The following PEX19 variants were observed in gnomAD, a reference collection of about 807,000 sequenced individuals.
PEX19 encodes the protein peroxisomal biogenesis factor 19.
PEX19 carries 29 observed loss-of-function variants against 36.3 expected under a neutral mutation model. The observed-to-expected ratio is 0.80, with a 90% CI of 0.60 to 1.09. The LOEUF (loss-of-function observed/expected upper bound fraction) is 1.09, where lower values mean the gene tolerates loss of function less well. Among genes scored for constraint, PEX19 ranks in the 50% least tolerant of loss-of-function variants. The probability of loss-of-function intolerance (pLI) is 0.00; values close to 1 mark genes in which losing one functional copy is unlikely to be tolerated. For synonymous variants in PEX19, 141 were observed against 135.2 expected (o/e 1.04, Z -0.30); for missense variants, 396 against 368.1 (o/e 1.08, Z -0.62).
Position 160,278,728 on chromosome 1 carries a change from G to C in PEX19, c.*823C>G, listed in dbSNP as rs1429934866. 8 of 454,014 alleles carry C rather than the reference G, an allele frequency of 1.8e-5. No individual in the cohort carries two copies. The highest frequency in any genetic ancestry group is 1.6e-4 in the Admixed American group (7 of 42,548). The allele number at this position is 454,014 out of a possible 1,614,324, so 28.1% of individuals were successfully genotyped here. On this transcript the variant is annotated 3_prime_UTR_variant, in exon 8 of 8. Transcript: ENST00000368072. The stretch of plus-strand genomic sequence containing the variant: ...GTCAGTGAGAATCGTAAATGGACTA[G>C]ATGAGGGGAAATAGGATGGGCCCTT...
chr1:160,280,322 A>T, intron 5 of PEX19, 76 bp from the exon 6 acceptor site: 13 of 1,377,246 alleles, frequency 9.4e-6, no homozygotes, highest in African/African-American at 1.4e-5. Context: ...CAATGTGATT[A>T]AAATGTGAAA....
At chr1:160,282,236 A>G (rs1005845614) in intron 4 of PEX19, 36 bp from the exon 5 acceptor site, 2 of 1,610,500 alleles carry the variant, frequency 1.2e-6, no homozygotes, top group Non-Finnish European at 1.7e-6. Context: ...CAGGTATACT[A>G]CCTTCTTGGG....
chr1:160,283,382 A>G, intron 2 of PEX19, 148 bp downstream of exon 2: 1 of 663,188 alleles, frequency 1.5e-6, no homozygotes, highest in Non-Finnish European at 2.6e-6. Flanking sequence ...TCCTTATTTC[A>G]CAAGGACTGA....
At chr1:160,283,204 C>T in intron 2 of PEX19, 95 bp from the exon 3 acceptor site, 2 of 1,305,830 alleles carry the variant, frequency 1.5e-6, no homozygotes, top group South Asian at 1.2e-5. Flanking sequence ...ATGGGAAATG[C>T]ACCTCCCTCC....
In PEX19 at chr1:160,278,245, A is replaced by T. The variant is rs1308813625; in HGVS notation, c.*1306T>A. ...ACAATATATTACTAACATTAATAAC[A>T]ATAATGTAAAAGGTTAAAATATAAT... On this transcript the variant is annotated 3_prime_UTR_variant, in exon 8 of 8. Transcript: ENST00000368072. 2.9e-6 allele frequency: 2 copies of T among 700,670 alleles called. No homozygotes were observed. The highest frequency in any genetic ancestry group is 3.0e-5 in the South Asian group (2 of 67,398). The allele number at this position is 700,670 out of a possible 1,614,324, so 43.4% of individuals were successfully genotyped here. A position where few individuals can be genotyped will look rare whatever the true frequency, so the allele number is the denominator to read the frequency against.
chr1:160,279,179 T>C lies in PEX19; in HGVS notation c.*372A>G, dbSNP rs1224084695. 1 of 458,978 alleles carries C rather than the reference T, an allele frequency of 2.2e-6. No individual in the cohort carries two copies. The highest frequency in any genetic ancestry group is 2.0e-5 in the African/African-American group (1 of 49,900). The allele number at this position is 458,978 out of a possible 1,614,324, so 28.4% of individuals were successfully genotyped here. On this transcript the variant is annotated 3_prime_UTR_variant, in exon 8 of 8. Transcript: ENST00000368072. Reference sequence around the variant, plus strand: ...TCCTCCCCAGATCCAAGAGAGGGAGTAGAGACAAGGCACAAAGACCCTGGA... The same window carrying C: ...TCCTCCCCAGATCCAAGAGAGGGAGCAGAGACAAGGCACAAAGACCCTGGA...
intron 5 of PEX19, 78 bp from the exon 6 acceptor site, chr1:160,280,324 A>G (rs1657721492): frequency 1.5e-6 from 2 of 1,357,182 alleles, no homozygotes; most frequent in Non-Finnish European, 2.1e-6. Context: ...ATGTGATTAA[A>G]ATGTGAAAGG....
At position 160,279,612 on chromosome 1, in the gene PEX19, AG is replaced by A; in HGVS notation, c.838del (p.Leu280TrpfsTer18). The A allele has an allele frequency of 6.2e-7, 1 of 1,614,206 alleles. No individual in the cohort carries two copies. The highest frequency in any genetic ancestry group is 8.5e-7 in the Non-Finnish European group (1 of 1,180,002). On this transcript the variant is annotated frameshift_variant, in exon 8 of 8. Transcript: ENST00000368072. LOFTEE classifies it high-confidence loss of function. Reference sequence around the variant, plus strand: ...TGGGCCCGAAAGATTGAGGGCATCCAGGTCAAAGTTGAGGCCAGGAGGCTGG... The same window carrying A: ...TGGGCCCGAAAGATTGAGGGCATCCAGTCAAAGTTGAGGCCAGGAGGCTGG... ...GEMPPGLNFD[L>X]DALNLSGPPG...
rs1474468579 is a variant in PEX19 at position 160,283,541 on chromosome 1, C to T, written c.169G>A (p.Asp57Asn). 6.2e-7 allele frequency: 1 copy of T among 1,611,582 alleles called. No homozygotes were observed. Among genetic ancestry groups the T allele is most frequent in the African/African-American group, 1.3e-5 (1 of 74,992 alleles). ...ASGPQKRSPGDTAKDALFASQ... is the reference protein window; with the variant it reads ...ASGPQKRSPGNTAKDALFASQ... The stretch of plus-strand genomic sequence containing the variant: ...GGTGGAATTTATACTTTGGCAGTGT[C>T]TCCTGGCGATCTCTTCTGGGGCCCC... Residue 57 changes from aspartate (D) to asparagine (N), a missense_variant, in exon 2 of 8, where the codon GAC becomes AAC. Transcript: ENST00000368072.
At chr1:160,280,903 C>G (rs1223559390) in intron 5 of PEX19, among the ~76,000 whole-genome samples, 1 of 152,024 alleles carries the variant, frequency 6.6e-6, no homozygotes, top group Non-Finnish European at 1.5e-5. Context: ...TTTGTCCCAC[C>G]CAGGTCTTGG....
chr1:160,279,386 G>T lies in PEX19; in HGVS notation c.*165C>A. 1 of 715,106 alleles carries T rather than the reference G, an allele frequency of 1.4e-6. No homozygotes were observed. Among genetic ancestry groups the T allele is most frequent in the Non-Finnish European group, 2.5e-6 (1 of 393,290 alleles). 44.3% of individuals were successfully genotyped at this position (715,106 alleles called of 1,614,324 possible). On this transcript the variant is annotated 3_prime_UTR_variant, in exon 8 of 8. Transcript: ENST00000368072. Reference sequence around the variant, plus strand: ...GTGAAACAGACCCTATTCCTAGAGAGACAGAGGAAAAACCTCAGCTGGTAT... The same window carrying T: ...GTGAAACAGACCCTATTCCTAGAGATACAGAGGAAAAACCTCAGCTGGTAT...
intron 1 of PEX19, chr1:160,284,078 C>T: frequency 2.1e-6 from 1 of 471,916 alleles, no homozygotes; most frequent in Non-Finnish European, 4.4e-6. Context: ...ACAGGACATC[C>T]CACCCAGCTT....
Position 160,279,182 on chromosome 1 carries a change from A to AG in PEX19, c.*368dup. On this transcript the variant is annotated 3_prime_UTR_variant, in exon 8 of 8. Coordinates refer to ENST00000368072, the MANE Select transcript of PEX19 (RefSeq NM_002857.4). ...TCCCCAGATCCAAGAGAGGGAGTAG[A>AG]GACAAGGCACAAAGACCCTGGACGT... is the stretch of plus-strand genomic sequence containing the variant. 1 of 461,352 alleles carries AG rather than the reference A, an allele frequency of 2.2e-6. No individual in the cohort carries two copies. The highest frequency in any genetic ancestry group is 1.6e-5 in the South Asian group (1 of 64,494). The allele number at this position is 461,352 out of a possible 1,614,324, so 28.6% of individuals were successfully genotyped here.
In PEX19 at chr1:160,279,511, T is replaced by TC. The variant is rs1657678235; in HGVS notation, c.*39dup. On this transcript the variant is annotated 3_prime_UTR_variant, in exon 8 of 8. Transcript: ENST00000368072. ...CAATGGTTCTGCTGACTCCAGATGT[T>TC]CCCCATAGCTGGGACTCAGAGAGGA... The TC allele has an allele frequency of 1.3e-6, 2 of 1,513,808 alleles. No individual in the cohort carries two copies. The highest frequency in any genetic ancestry group is 3.3e-5 in the Admixed American group (2 of 59,896). The allele number at this position is 1,513,808 out of a possible 1,614,324, so 93.8% of individuals were successfully genotyped here.
Position 160,277,151 on chromosome 1 carries a change from C to T in PEX19, c.*2400G>A, listed in dbSNP as rs150607878. ...TTCAGAGAGACCGAGGGCCCCAAAA[C>T]AGTGCTACTCAAAGATGATCTGCAG... is the stretch of plus-strand genomic sequence containing the variant. On this transcript the variant is annotated 3_prime_UTR_variant, in exon 8 of 8. Transcript: ENST00000368072. 3.5e-5 allele frequency: 16 copies of T among 453,736 alleles called. No individual in the cohort carries two copies. The East Asian group carries it at 9.1e-4, about 26-fold the overall frequency. 28.1% of individuals were successfully genotyped at this position (453,736 alleles called of 1,614,324 possible).
rs149976198 is a variant in PEX19 at position 160,279,594 on chromosome 1, G to C, written c.857C>G (p.Ser286Trp). The C allele has an allele frequency of 2.0e-5, 33 of 1,614,146 alleles. No individual in the cohort carries two copies. The African/African-American group carries it at 4.3e-4, about 21-fold the overall frequency. ...TTCACCACTGGCACCTGGTGGGCCC[G>C]AAAGATTGAGGGCATCCAGGTCAAA... ...LNFDLDALNL[S>W]GPPGASGEQC... Residue 286 changes from serine (S) to tryptophan (W), a missense_variant, in exon 8 of 8, where the codon TCG becomes TGG. By Grantham distance (177) the Ser-to-Trp change is radical (BLOSUM62 -3). Coordinates refer to ENST00000368072, the MANE Select transcript of PEX19 (RefSeq NM_002857.4).
intron 6 of PEX19, 73 bp downstream of exon 6, chr1:160,279,997 A>G (rs1657703174): frequency 6.7e-7 from 1 of 1,484,786 alleles, no homozygotes. Flanking sequence ...GCAGTATTGC[A>G]TCCTTCCCAG....
At chr1:160,282,819 C>T in intron 3 of PEX19, 125 bp downstream of exon 3, 1 of 1,023,136 alleles carries the variant, frequency 9.8e-7, no homozygotes, top group Non-Finnish European at 1.5e-6. Flanking sequence ...TCTCTCATTG[C>T]CTTTACCCGT....
chr1:160,283,674 G>A (rs780021586), intron 1 of PEX19, 35 bp from the exon 2 acceptor site: 249 of 1,497,996 alleles, frequency 1.7e-4, no homozygotes, highest in Middle Eastern at 3.4e-4. Flanking sequence ...GTGTGTTGGC[G>A]ACAGATGAGA....
Sources: allele counts gnomAD v4.1 joint callset (sites outside exome capture counted in the v4.1 genomes callset), GRCh38; gene constraint gnomAD v4.1.1; transcripts MANE v1.5; gene names NCBI Gene and HGNC (gene_info 2026-07-23, HGNC 2026-07-21).